The following REPIN1 variants were observed in gnomAD, a reference collection of about 807,000 sequenced individuals.
REPIN1 encodes DNA-binding protein REPIN1.
In REPIN1, 4 loss-of-function variants were observed where a neutral mutation model predicts 5.7. The observed-to-expected ratio is 0.71, with a 90% CI of 0.35 to 1.62. The LOEUF (loss-of-function observed/expected upper bound fraction) is 1.62. REPIN1 is among the 40% of genes most tolerant of loss of function. The probability of loss-of-function intolerance (pLI) is 0.05; values close to 1 mark genes in which losing one functional copy is unlikely to be tolerated. For synonymous variants in REPIN1, 410 were observed against 386.2 expected (o/e 1.06, Z -0.72); for missense variants, 854 against 901.0 (o/e 0.95, Z 0.67).
intron 1 of REPIN1, chr7:150,369,293 A>G (rs1442882127): frequency 4.8e-6 from 2 of 417,382 alleles, no homozygotes; most frequent in South Asian, 3.2e-5. Context: ...GCGCAGCCCC[A>G]TGGGAAATAG....
Position 150,371,976 on chromosome 7 carries a change from C to A in REPIN1, c.906C>A (p.Phe302Leu), listed in dbSNP as rs748530989. The change falls in exon 3 of 3, where the codon TTC (phenylalanine) becomes TTA (leucine). Residue 302 changes from phenylalanine to leucine, a missense_variant. Phe to Leu is a conservative substitution (Grantham distance 22, BLOSUM62 0). This residue lies in a region of REPIN1 where 409 missense variants were observed against 418.6 expected (regional missense o/e 0.98). Coordinates refer to ENST00000489432, the MANE Select transcript of REPIN1 (RefSeq NM_001099695.2). ...PFQCACCGKR[F>L]RHKPNLIAHR... ...AGTGTGCCTGTTGTGGCAAGCGCTTCCGGCACAAGCCCAACTTGATCGCTC... is the reference window on the plus strand; with the variant it reads ...AGTGTGCCTGTTGTGGCAAGCGCTTACGGCACAAGCCCAACTTGATCGCTC... 6.2e-7 allele frequency: 1 copy of A among 1,610,780 alleles called. No homozygotes were observed. The highest frequency in any genetic ancestry group is 8.5e-7 in the Non-Finnish European group (1 of 1,179,642).
At position 150,371,461 on chromosome 7, in the gene REPIN1, C is replaced by T. The variant is rs751130314; in HGVS notation, c.391C>T (p.Leu131Phe). Reference protein sequence around the residue: ...RHFPGWVALWLHTRRCQARLP... With the variant: ...RHFPGWVALWFHTRRCQARLP... ...CTTCCCTGGCTGGGTGGCTCTGTGG[C>T]TTCACACCCGCCGGTGCCAGGCCCG... Residue 131 changes from leucine to phenylalanine, a missense_variant, in exon 3 of 3, where the codon CTT (leucine) becomes TTT (phenylalanine). Coordinates refer to ENST00000489432, the MANE Select transcript of REPIN1 (RefSeq NM_001099695.2). 54 of 1,605,370 alleles carry T rather than the reference C, an allele frequency of 3.4e-5. No homozygotes were observed. The highest frequency in any genetic ancestry group is 1.0e-4 in the Admixed American group (6 of 59,734).
rs1336294375 is a variant in REPIN1, at chr7:150,372,550, G to T, written c.1480G>T (p.Gly494Cys). 4 of 1,579,470 alleles carry T rather than the reference G, an allele frequency of 2.5e-6. No homozygotes were observed. The highest frequency in any genetic ancestry group is 1.8e-5 in the Admixed American group (1 of 56,872). Reference protein sequence around the residue: ...GERPFACEECGRRFSQGSHLA... With the variant: ...GERPFACEECCRRFSQGSHLA... The stretch of plus-strand genomic sequence containing the variant: ...GCGGCCCTTCGCCTGCGAGGAGTGC[G>T]GCCGCCGCTTCTCCCAGGGCAGCCA... Residue 494 changes from glycine (G) to cysteine (C), a missense_variant, in exon 3 of 3, where the codon GGC (glycine) becomes TGC (cysteine). Coordinates refer to ENST00000489432, the MANE Select transcript of REPIN1 (RefSeq NM_001099695.2).
Position 150,372,557 on chromosome 7 carries a change from G to A in REPIN1, c.1487G>A (p.Arg496His). The A allele has an allele frequency of 1.9e-6, 3 of 1,590,728 alleles. No individual in the cohort carries two copies. Among genetic ancestry groups the A allele is most frequent in the Non-Finnish European group, 8.5e-7 (1 of 1,172,270 alleles). The part of the protein sequence containing the change: ...RPFACEECGR[R>H]FSQGSHLAAH... ...TTCGCCTGCGAGGAGTGCGGCCGCC[G>A]CTTCTCCCAGGGCAGCCATCTGGCG... Residue 496 changes from arginine to histidine, a missense_variant, in exon 3 of 3, where the codon CGC becomes CAC. Around this residue, in one of 5 missense-constraint regions of REPIN1, gnomAD observed 327 missense variants for 307.8 expected, o/e 1.06. Coordinates refer to ENST00000489432, the MANE Select transcript of REPIN1 (RefSeq NM_001099695.2).
At chr7:150,369,000 C>T (rs1799155659) in intron 1 of REPIN1, 59 bp downstream of exon 1, 1 of 354,050 alleles carries the variant, frequency 2.8e-6, no homozygotes, top group Non-Finnish European at 4.9e-6. Flanking sequence ...GCTCCACCTG[C>T]GGGGCGCGTG....
At position 150,371,312 on chromosome 7, in the gene REPIN1, C is replaced by T. The variant is rs536210425; in HGVS notation, c.242C>T (p.Ser81Phe). 6.9e-6 allele frequency: 11 copies of T among 1,586,644 alleles called. No individual in the cohort carries two copies. Among genetic ancestry groups the T allele is most frequent in the African/African-American group, 5.4e-5 (4 of 74,534 alleles). Residue 81 changes from serine (S) to phenylalanine (F), a missense_variant, in exon 3 of 3, where the codon TCC (serine) becomes TTC (phenylalanine). By Grantham distance (155) the Ser-to-Phe change is radical. Around this residue, in one of 5 missense-constraint regions of REPIN1, gnomAD observed 409 missense variants for 418.6 expected, o/e 0.98. Transcript: ENST00000489432. ...CAGCCCCGACTCCTTTCTGGGCCCT[C>T]CCAGGAGTCACCCCAGACCCTGGGG... is the stretch of plus-strand genomic sequence containing the variant. ...LAQPRLLSGP[S>F]QESPQTLGKE... is the part of the protein sequence containing the mutation.
chr7:150,368,931 C>T lies in REPIN1; in HGVS notation c.-52C>T. 1 of 371,046 alleles carries T rather than the reference C, an allele frequency of 2.7e-6. No individual in the cohort carries two copies. Among genetic ancestry groups the T allele is most frequent in the Non-Finnish European group, 4.8e-6 (1 of 208,848 alleles). The allele number at this position is 371,046 out of a possible 1,614,324, so 23.0% of individuals were successfully genotyped here. A position where few individuals can be genotyped will look rare whatever the true frequency, so the allele number is the denominator to read the frequency against. On this transcript the variant is annotated 5_prime_UTR_variant, in exon 1 of 3. Transcript: ENST00000489432. ...GACGGGCGCCGCGTCCCTGCACAGC[C>T]CGCCGCAGAGGTACGGCCGGGGCAG...
In REPIN1 at chr7:150,371,333, T is replaced by C. The variant is rs1207491903; in HGVS notation, c.263T>C (p.Leu88Pro). The C allele has an allele frequency of 6.3e-7, 1 of 1,585,866 alleles. No homozygotes were observed. Among genetic ancestry groups the C allele is most frequent in the Non-Finnish European group, 8.6e-7 (1 of 1,167,050 alleles). Residue 88 changes from leucine to proline, a missense_variant, in exon 3 of 3, where the codon CTG becomes CCG. Leu to Pro is a moderately conservative substitution (Grantham distance 98). Transcript: ENST00000489432. ...SGPSQESPQT[L>P]GKESRGLRQQ... Reference sequence around the variant, plus strand: ...CCCTCCCAGGAGTCACCCCAGACCCTGGGGAAGGAGTCCCGCGGGCTGAGG... The same window carrying C: ...CCCTCCCAGGAGTCACCCCAGACCCCGGGGAAGGAGTCCCGCGGGCTGAGG...
Position 150,368,923 on chromosome 7 carries a change from T to G in REPIN1, c.-60T>G. 2.9e-6 allele frequency: 1 copy of G among 345,972 alleles called. No individual in the cohort carries two copies. 21.4% of individuals were successfully genotyped at this position (345,972 alleles called of 1,614,324 possible). A position where few individuals can be genotyped will look rare whatever the true frequency, so the allele number is the denominator to read the frequency against. On this transcript the variant is annotated 5_prime_UTR_variant, in exon 1 of 3. Coordinates refer to ENST00000489432, the MANE Select transcript of REPIN1 (RefSeq NM_001099695.2). ...GCTCCATGGACGGGCGCCGCGTCCCTGCACAGCCCGCCGCAGAGGTACGGC... is the reference window on the plus strand; with the variant it reads ...GCTCCATGGACGGGCGCCGCGTCCCGGCACAGCCCGCCGCAGAGGTACGGC...
rs1230692109 is a variant in REPIN1 at position 150,371,881 on chromosome 7, C to T, written c.811C>T (p.Pro271Ser). The change falls in exon 3 of 3, where the codon CCC (proline) becomes TCC (serine). Residue 271 changes from proline to serine, a missense_variant. Pro to Ser is a moderately conservative substitution (Grantham distance 74, BLOSUM62 -1). Around this residue, in one of 5 missense-constraint regions of REPIN1, gnomAD observed 409 missense variants for 418.6 expected, o/e 0.98. Coordinates refer to ENST00000489432, the MANE Select transcript of REPIN1 (RefSeq NM_001099695.2). ...LEEAAAKALGPRPRGRPAVTA... is the reference protein window; with the variant it reads ...LEEAAAKALGSRPRGRPAVTA... ...GGAGGCCGCAGCCAAGGCTCTGGGG[C>T]CCCGGCCCAGGGGCCGCCCCGCGGT... is the stretch of plus-strand genomic sequence containing the variant. The T allele has an allele frequency of 1.2e-6, 2 of 1,605,132 alleles. No homozygotes were observed. The highest frequency in any genetic ancestry group is 2.7e-5 in the African/African-American group (2 of 74,734).
At position 150,373,017 on chromosome 7, in the gene REPIN1, G is replaced by A; in HGVS notation, c.*72G>A. The A allele has an allele frequency of 6.4e-7, 1 of 1,551,404 alleles. No homozygotes were observed. The highest frequency in any genetic ancestry group is 8.7e-7 in the Non-Finnish European group (1 of 1,145,208). On this transcript the variant is annotated 3_prime_UTR_variant, in exon 3 of 3. Transcript: ENST00000489432. ...GTGGTGGGAGTCGCAGTGGGCTGGGGGTGCCTGCCTAGTGCTGGAGTAGGG... is the reference window on the plus strand; with the variant it reads ...GTGGTGGGAGTCGCAGTGGGCTGGGAGTGCCTGCCTAGTGCTGGAGTAGGG...
At chr7:150,370,668 C>T in intron 2 of REPIN1, 1 of 699,088 alleles carries the variant, frequency 1.4e-6, no homozygotes, top group Non-Finnish European at 2.6e-6. Context: ...AAGACCTGTT[C>T]CCTAGTCTTG....
chr7:150,370,724 C>T (rs1254661377), intron 2 of REPIN1: 1 of 702,522 alleles, frequency 1.4e-6, no homozygotes, highest in Non-Finnish European at 2.6e-6. Context: ...GTCTCGTCAT[C>T]TTTGATGTCT....
At chr7:150,369,566 G>A (rs1799303294) in intron 1 of REPIN1, 105 bp from the exon 2 acceptor site, 1 of 935,628 alleles carries the variant, frequency 1.1e-6, no homozygotes, top group South Asian at 1.4e-5. Context: ...TATGGCTGGT[G>A]CGTGTGGCTT....
chr7:150,371,415 C>G lies in REPIN1; in HGVS notation c.345C>G (p.Arg115=). Residue 115 remains arginine (R), a synonymous_variant, in exon 3 of 3, where the codon CGC becomes CGG. Transcript: ENST00000489432. ...CCCAAGCCCCAGGCAGGGCCCATCG[C>G]TGTGCCCACTGTCGAAGGCACTTCC... The part of the protein sequence containing the change: ...SGAQAPGRAH[R]CAHCRRHFPG... 1 of 1,601,042 alleles carries G rather than the reference C, an allele frequency of 6.2e-7. No homozygotes were observed. The highest frequency in any genetic ancestry group is 1.1e-5 in the South Asian group (1 of 89,446).
At position 150,369,788 on chromosome 7, in the gene REPIN1, G is replaced by A. The variant is rs757169023; in HGVS notation, c.77G>A (p.Arg26His). 9 of 1,613,740 alleles carry A rather than the reference G, an allele frequency of 5.6e-6. No individual in the cohort carries two copies. Among genetic ancestry groups the A allele is most frequent in the Middle Eastern group, 1.6e-4 (1 of 6,080 alleles). The change falls in exon 2 of 3, where the codon CGC (arginine) becomes CAC (histidine). Residue 26 changes from arginine (R) to histidine (H), a missense_variant. By Grantham distance (29) the Arg-to-His change is conservative. Transcript: ENST00000489432. The part of the protein sequence containing the change: ...GGYRSVGRSR[R>H]CSRGSIPRNI... ...TACCGGAGTGTGGGCCGAAGCAGGC[G>A]CTGCAGCCGCGGAAGTATCCCCAGG... is the stretch of plus-strand genomic sequence containing the variant.
At chr7:150,369,376 C>T (rs1293138450) in intron 1 of REPIN1, 3 of 421,266 alleles carry the variant, frequency 7.1e-6, no homozygotes, top group South Asian at 2.7e-5. Context: ...TGCCATAGGC[C>T]GGCCTTTGGC....
chr7:150,373,881 T>G lies in REPIN1; in HGVS notation c.*936T>G, dbSNP rs1446664256. 1 of 167,098 alleles carries G rather than the reference T, an allele frequency of 6.0e-6. No homozygotes were observed. The highest frequency in any genetic ancestry group is 1.5e-5 in the Non-Finnish European group (1 of 68,130). 10.4% of individuals were successfully genotyped at this position (167,098 alleles called of 1,614,324 possible). On this transcript the variant is annotated 3_prime_UTR_variant, in exon 3 of 3. Transcript: ENST00000489432. ...TCCTGAGGCCCTGGATGATTCTAATTGTTAGAAATTCTAATTGTTAGAAAT... is the reference window on the plus strand; with the variant it reads ...TCCTGAGGCCCTGGATGATTCTAATGGTTAGAAATTCTAATTGTTAGAAAT...
intron 2 of REPIN1, chr7:150,370,588 GA>G: frequency 1.6e-6 from 1 of 613,582 alleles, no homozygotes; most frequent in Non-Finnish European, 2.9e-6. Flanking sequence ...AAAAGCTATA[GA>G]CACCTTTTTC....
Sources: allele counts gnomAD v4.1 joint callset, GRCh38; gene constraint gnomAD v4.1.1; regional missense constraint gnomAD v4.1.1; transcripts MANE v1.5; gene names NCBI Gene and HGNC (gene_info 2026-07-23, HGNC 2026-07-21).